Variants in MFAP2 observed in about 807,000 individuals in gnomAD.
MFAP2 encodes the protein microfibrillar-associated protein 2.
Under a neutral mutation model 30.6 loss-of-function variants are expected in MFAP2, and 23 were observed. That is an observed-to-expected ratio of 0.75 (90% CI 0.54 to 1.07). MFAP2 has a LOEUF of 1.07. Ranked by LOEUF, MFAP2 falls within the 50% of genes least tolerant of loss-of-function variation. The pLI is 0.00. For synonymous variants in MFAP2, 73 were observed against 85.7 expected, an observed-to-expected ratio of 0.85 and a Z score of 0.82; for missense variants, 198 against 223.8, an observed-to-expected ratio of 0.88 and a Z score of 0.74.
At chr1:16,977,251 C>A in intron 2 of MFAP2, 53 bp from the exon 3 acceptor site, 1 of 1,576,204 alleles carries the variant, frequency 6.3e-7, no homozygotes, top group Non-Finnish European at 8.6e-7. Context: ...CAACGGGGGC[C>A]CGAGGCGCTT....
At chr1:16,979,451 T>C (rs1486045085) in intron 1 of MFAP2, among the ~76,000 whole-genome samples, 5 of 152,282 alleles carry the variant, frequency 3.3e-5, no homozygotes, top group Non-Finnish European at 5.9e-5. Context: ...AGGAGGTCTT[T>C]CCCTCCTTCC....
rs1033899453 is a variant in MFAP2 at position 16,975,839 on chromosome 1, C to T, written c.287-109G>A. On this transcript the variant is annotated intron_variant, in intron 6 of 8. Transcript: ENST00000375535. The surrounding 1 kb of genome is among the most constrained non-coding windows in gnomAD (Gnocchi z 5.0). ...TAGTCCCCCCTGTACCTTCAGGCCC[C>T]GTGCAGACACCCATACCTACACATG... 1.7e-5 allele frequency: 14 copies of T among 834,552 alleles called. No homozygotes were observed. The highest frequency in any genetic ancestry group is 8.0e-5 in the South Asian group (5 of 62,516). 51.7% of individuals were successfully genotyped at this position (834,552 alleles called of 1,614,324 possible).
At chr1:16,977,046 G>A (rs1249771522) in intron 3 of MFAP2, 63 bp downstream of exon 3, 65 of 1,610,922 alleles carry the variant, frequency 4.0e-5, no homozygotes, top group African/African-American at 5.3e-5. Context: ...TGTCCAGTGC[G>A]GTCCCTGGCT....
In MFAP2 at chr1:16,976,500, C is replaced by A; in HGVS notation, c.286+1G>T. On this transcript the variant is annotated splice_donor_variant, in intron 6 of 8. Transcript: ENST00000375535. LOFTEE classifies it high-confidence loss of function. This position sits in a 1 kb window ranked among gnomAD's most constrained non-coding sequence, Gnocchi z 5.5. ...TTTCCAGCTGTCAAGAAAGCCCTTA[C>A]CAAGAGGCCCAGGCTCTGTGGGCTC... 1 of 1,614,232 alleles carries A rather than the reference C, an allele frequency of 6.2e-7. No individual in the cohort carries two copies. Among genetic ancestry groups the A allele is most frequent in the South Asian group, 1.1e-5 (1 of 91,090 alleles).
chr1:16,976,339 T>C lies in MFAP2; in HGVS notation c.286+162A>G. 1.1e-6 allele frequency: 1 copy of C among 875,366 alleles called. No individual in the cohort carries two copies. The highest frequency in any genetic ancestry group is 1.8e-6 in the Non-Finnish European group (1 of 541,482). The allele number at this position is 875,366 out of a possible 1,614,324, so 54.2% of individuals were successfully genotyped here. On this transcript the variant is annotated intron_variant, in intron 6 of 8. Coordinates refer to ENST00000375535, the MANE Select transcript of MFAP2 (RefSeq NM_002403.4). The surrounding 1 kb of genome is among the most constrained non-coding windows in gnomAD (Gnocchi z 5.5). ...ACAGGTGGGACCTCCTGGAGCTGCCTGGGGGGCCTGGTGATGCCAGCCTAC... is the reference window on the plus strand; with the variant it reads ...ACAGGTGGGACCTCCTGGAGCTGCCCGGGGGGCCTGGTGATGCCAGCCTAC...
intron 1 of MFAP2, 141 bp from the exon 2 acceptor site, chr1:16,978,455 T>A (rs1006008825): frequency 2.9e-6 from 2 of 698,452 alleles, no homozygotes; most frequent in Non-Finnish European, 4.8e-6. Flanking sequence ...TGGAGGGACA[T>A]CCCAGTCCCT....
At position 16,975,072 on chromosome 1, in the gene MFAP2, G is replaced by T. The variant is rs1391950003; in HGVS notation, c.449-49C>A. On this transcript the variant is annotated intron_variant, in intron 8 of 8. Coordinates refer to ENST00000375535, the MANE Select transcript of MFAP2 (RefSeq NM_002403.4). This position sits in a 1 kb window ranked among gnomAD's most constrained non-coding sequence, Gnocchi z 5.0. ...GGGTCAGGGTGGAGCTGGGTGATGG[G>T]AACCGCTGCCCCTCCCCCAACTCTG... 6.2e-5 allele frequency: 76 copies of T among 1,230,948 alleles called. No homozygotes were observed. Among genetic ancestry groups the T allele is most frequent in the Non-Finnish European group, 8.4e-5 (72 of 855,482 alleles). 76.3% of individuals were successfully genotyped at this position (1,230,948 alleles called of 1,614,324 possible).
At chr1:16,980,949 A>G (rs1282374015), upstream of MFAP2, 1 of 152,098 alleles carries the variant, frequency 6.6e-6, no homozygotes, top group Non-Finnish European at 1.5e-5. Context: ...AAAGTGACTC[A>G]CCCTAGGCCC....
At chr1:16,977,863 G>C (rs967672404) in intron 2 of MFAP2, 1 of 248,908 alleles carries the variant, frequency 4.0e-6, no homozygotes, top group Non-Finnish European at 7.9e-6. Context: ...GGACTGTATA[G>C]AGCAGAAGGG....
At chr1:16,977,491 T>C (rs2076603143) in intron 2 of MFAP2, 3 of 385,158 alleles carry the variant, frequency 7.8e-6, no homozygotes, top group East Asian at 9.5e-5. Flanking sequence ...TGACACTCCC[T>C]GGGCCTGTGA....
chr1:16,975,419 AC>A lies in MFAP2; in HGVS notation c.375-78del, dbSNP rs1419379201. 26 of 956,334 alleles carry A rather than the reference AC, an allele frequency of 2.7e-5. No individual in the cohort carries two copies. In the East Asian group the frequency reaches 1.4e-3, roughly 51 times the overall value. 59.2% of individuals were successfully genotyped at this position (956,334 alleles called of 1,614,324 possible). ...TGGGATAGCCCAGACAGAACCTGGCACGGGAGCCCGGACAGAACCTGGCACG... is the reference window on the plus strand; with the variant it reads ...TGGGATAGCCCAGACAGAACCTGGCAGGGAGCCCGGACAGAACCTGGCACG... On this transcript the variant is annotated intron_variant, in intron 7 of 8. Transcript: ENST00000375535. The surrounding 1 kb of genome is among the most constrained non-coding windows in gnomAD (Gnocchi z 5.0).
chr1:16,976,989 A>C lies in MFAP2; in HGVS notation c.128-66T>G. 1 of 1,613,312 alleles carries C rather than the reference A, an allele frequency of 6.2e-7. No homozygotes were observed. The highest frequency in any genetic ancestry group is 2.2e-5 in the East Asian group (1 of 44,852). On this transcript the variant is annotated intron_variant, in intron 3 of 8. Transcript: ENST00000375535. The surrounding 1 kb of genome is among the most constrained non-coding windows in gnomAD (Gnocchi z 5.5). ...TAATCCCCCAGCCCCTGGGGCAAAC[A>C]AGTTCCCTCCTGAGCCAGGGACCAA...
Position 16,975,190 on chromosome 1 carries a change from C to A in MFAP2, c.448+79G>T. The A allele has an allele frequency of 7.1e-7, 1 of 1,408,038 alleles. No homozygotes were observed. The allele number at this position is 1,408,038 out of a possible 1,614,324, so 87.2% of individuals were successfully genotyped here. A position where few individuals can be genotyped will look rare whatever the true frequency, so the allele number is the denominator to read the frequency against. On this transcript the variant is annotated intron_variant, in intron 8 of 8. Transcript: ENST00000375535. This position sits in a 1 kb window ranked among gnomAD's most constrained non-coding sequence, Gnocchi z 5.0. Reference sequence around the variant, plus strand: ...TGGTGGATAATATGTGTTGAATAAACATCAGGTGGGTGGCTAGGTGGCCAG... The same window carrying A: ...TGGTGGATAATATGTGTTGAATAAAAATCAGGTGGGTGGCTAGGTGGCCAG...
intron 1 of MFAP2, among the ~76,000 whole-genome samples, chr1:16,979,495 C>T (rs1031669619): frequency 1.3e-5 from 2 of 152,212 alleles, no homozygotes; most frequent in Non-Finnish European, 2.9e-5. Flanking sequence ...CCCCTGGCTC[C>T]TCTCATGCAT....
chr1:16,976,669 CAGG>C lies in MFAP2; in HGVS notation c.241+36_241+38del, dbSNP rs111744289. 12,488 of 1,611,664 alleles carry C rather than the reference CAGG, an allele frequency of 7.7e-3. 761 individuals are homozygous for C. In the African/African-American group the frequency reaches 0.14, roughly 18 times the overall value. On this transcript the variant is annotated intron_variant, in intron 5 of 8. Transcript: ENST00000375535. The surrounding 1 kb of genome is among the most constrained non-coding windows in gnomAD (Gnocchi z 5.5). ...GTTGACAGGGTGGGGAGGGGTGAGG[CAGG>C]AGCTGAGACGGGTGGGAGCAGGGTC...
In MFAP2 at chr1:16,975,788, C is replaced by T. The variant is rs1231753291; in HGVS notation, c.287-58G>A. The T allele has an allele frequency of 3.4e-6, 5 of 1,477,180 alleles. No individual in the cohort carries two copies. In the East Asian group the frequency reaches 9.3e-5, roughly 28 times the overall value. 91.5% of individuals were successfully genotyped at this position (1,477,180 alleles called of 1,614,324 possible). ...GAGTGGGGGGCGGCCCCCAGCCTCA[C>T]CCACCTGAGGCTGGCTCACAGGGCC... is the stretch of plus-strand genomic sequence containing the variant. On this transcript the variant is annotated intron_variant, in intron 6 of 8. Coordinates refer to ENST00000375535, the MANE Select transcript of MFAP2 (RefSeq NM_002403.4). The surrounding 1 kb of genome is among the most constrained non-coding windows in gnomAD (Gnocchi z 5.0).
At chr1:16,978,139 C>A in intron 2 of MFAP2, 98 bp downstream of exon 2, 1 of 1,362,786 alleles carries the variant, frequency 7.3e-7, no homozygotes, top group South Asian at 1.4e-5. Context: ...GAGTTCTGGT[C>A]ATAAGTCGTG....
intron 1 of MFAP2, among the ~76,000 whole-genome samples, chr1:16,979,834 G>A (rs2076622646): frequency 6.6e-6 from 1 of 152,196 alleles, no homozygotes; most frequent in Non-Finnish European, 1.5e-5. Context: ...GAGGCCCACG[G>A]GCTAGCGGGG....
In MFAP2 at chr1:16,975,533, GA is replaced by G; in HGVS notation, c.374+109del. 7.8e-7 allele frequency: 1 copy of G among 1,276,846 alleles called. No individual in the cohort carries two copies. The highest frequency in any genetic ancestry group is 1.1e-6 in the Non-Finnish European group (1 of 891,340). The allele number at this position is 1,276,846 out of a possible 1,614,324, so 79.1% of individuals were successfully genotyped here. On this transcript the variant is annotated intron_variant, in intron 7 of 8. Transcript: ENST00000375535. This position sits in a 1 kb window ranked among gnomAD's most constrained non-coding sequence, Gnocchi z 5.0. The stretch of plus-strand genomic sequence containing the variant: ...ACCACAGAACTGAGCTCAACTTAAG[GA>G]CTCACTATCTTTCCTCCAACTCCCA...
Sources: allele counts gnomAD v4.1 joint callset (sites outside exome capture counted in the v4.1 genomes callset), GRCh38; gene constraint gnomAD v4.1.1; non-coding constraint Gnocchi (gnomAD v3.1); transcripts MANE v1.5; gene names NCBI Gene and HGNC (gene_info 2026-07-23, HGNC 2026-07-21).